RHOBTB1: variants seen among roughly 807,000 people sequenced by gnomAD.
RHOBTB1 encodes rho-related BTB domain-containing protein 1.
A neutral mutation model predicts 71.6 loss-of-function variants in RHOBTB1; 40 were observed. The ratio of observed to expected loss-of-function variants is 0.56; its 90% confidence interval spans 0.43 to 0.73. The LOEUF is 0.73. RHOBTB1 is among the 30% of genes least tolerant of loss of function. RHOBTB1 has a pLI of 0.00. For synonymous variants in RHOBTB1, 319 were observed against 334.9 expected (o/e 0.95, Z 0.52); for missense variants, 797 against 894.0 (o/e 0.89, Z 1.38).
At chr10:60,925,256 T>C (rs967583037) in intron 2 of RHOBTB1, among the ~76,000 whole-genome samples, 6 of 152,208 alleles carry the variant, frequency 3.9e-5, no homozygotes, top group African/African-American at 1.4e-4. Context: ...ATTAAATCTC[T>C]TTTCTTTATA....
At chr10:60,937,333 C>A (rs868558238) in intron 2 of RHOBTB1, among the ~76,000 whole-genome samples, 1 of 151,894 alleles carries the variant, frequency 6.6e-6, no homozygotes, top group Admixed American at 6.6e-5. Flanking sequence ...GTCAGCAACA[C>A]GTGACAAAAA....
At chr10:60,910,262 T>C (rs547681909) in intron 4 of RHOBTB1, among the ~76,000 whole-genome samples, 4 of 152,338 alleles carry the variant, frequency 2.6e-5, no homozygotes, top group African/African-American at 7.2e-5. Context: ...ACTTTGACCA[T>C]GTTCCTACCC....
intron 2 of RHOBTB1, among the ~76,000 whole-genome samples, chr10:60,978,133 A>G (rs1373981318): frequency 6.6e-6 from 1 of 152,126 alleles, no homozygotes. Context: ...CAGATTCAAC[A>G]CCCTCTGCAT....
rs184468981 is a variant in RHOBTB1, at chr10:60,968,996, C to A, written c.-62+16849G>T. Among the ~76,000 whole-genome samples, 30 of 152,128 alleles carry A rather than the reference C, an allele frequency of 2.0e-4. No homozygotes were observed. The East Asian group carries it at 4.3e-3, about 22-fold the overall frequency. ...GTTATTGTCAATATTTTTTAAAAATCAGGTATTTGAATAAATAGAAAGTAT... is the reference window on the plus strand; with the variant it reads ...GTTATTGTCAATATTTTTTAAAAATAAGGTATTTGAATAAATAGAAAGTAT... On this transcript the variant is annotated intron_variant, in intron 2 of 11. Coordinates refer to the RHOBTB1 transcript ENST00000357917.
chr10:60,963,017 T>C (rs1381073036), intron 2 of RHOBTB1, among the ~76,000 whole-genome samples: 1 of 152,150 alleles, frequency 6.6e-6, no homozygotes, highest in Admixed American at 6.6e-5. Flanking sequence ...TTGATTGTAA[T>C]ACAGACCACG....
Position 60,886,057 on chromosome 10 carries a change from C to A in RHOBTB1, c.1575+55G>T, listed in dbSNP as rs886910335. The A allele has an allele frequency of 3.1e-6, 4 of 1,297,202 alleles. No individual in the cohort carries two copies. In the African/African-American group the frequency reaches 4.4e-5, roughly 14 times the overall value. The allele number at this position is 1,297,202 out of a possible 1,614,324, so 80.4% of individuals were successfully genotyped here. On this transcript the variant is annotated intron_variant, in intron 7 of 10. Coordinates refer to ENST00000337910, the MANE Select transcript of RHOBTB1 (RefSeq NM_014836.5). ...GCTGTTTACCCACTTTATATAAATA[C>A]ACAGGCACACATACATTCATAAAGA...
the RHOBTB1 span, among the ~76,000 whole-genome samples, chr10:60,863,254 T>C: frequency 1.4e-4 from 21 of 152,380 alleles, no homozygotes; most frequent in African/African-American, 5.0e-4. Flanking sequence ...ATAAGCCTTA[T>C]GTACATTATT....
At chr10:60,914,037 A>G (rs1289192586) in intron 2 of RHOBTB1, among the ~76,000 whole-genome samples, 2 of 152,196 alleles carry the variant, frequency 1.3e-5, no homozygotes, top group Non-Finnish European at 2.9e-5. Flanking sequence ...GAAGGCCAGA[A>G]TTAGATGCAA....
the RHOBTB1 span, among the ~76,000 whole-genome samples, chr10:60,864,117 G>A: frequency 1.3e-5 from 2 of 152,140 alleles, no homozygotes; most frequent in Non-Finnish European, 2.9e-5. Flanking sequence ...GGGGCTTCCT[G>A]GCTTGGCTTC....
chr10:60,981,971 A>G (rs990837252), intron 2 of RHOBTB1, among the ~76,000 whole-genome samples: 1 of 152,114 alleles, frequency 6.6e-6, no homozygotes, highest in African/African-American at 2.4e-5. Context: ...GGTTTGCACC[A>G]TGTTAGCCAG....
At chr10:60,953,204 G>A (rs555634190) in intron 2 of RHOBTB1, among the ~76,000 whole-genome samples, 22 of 152,186 alleles carry the variant, frequency 1.4e-4, no homozygotes, top group African/African-American at 3.4e-4. Flanking sequence ...TGAGTGTATC[G>A]TTTGTTCTCA....
chr10:60,883,180 T>A (rs7078938), intron 7 of RHOBTB1, among the ~76,000 whole-genome samples: 37,448 of 152,054 alleles, frequency 0.25, 4,889 homozygotes, highest in East Asian at 0.49. Context: ...CTTCAGTGGC[T>A]TGGTTCCGTG....
the RHOBTB1 span, among the ~76,000 whole-genome samples, chr10:60,863,357 T>C: frequency 6.6e-6 from 1 of 152,240 alleles, no homozygotes; most frequent in African/African-American, 2.4e-5. Flanking sequence ...TTGTTTTTTT[T>C]TGTTTTTACA....
At chr10:60,865,634 G>A (rs1430747937), downstream of RHOBTB1, among the ~76,000 whole-genome samples, 1 of 152,200 alleles carries the variant, frequency 6.6e-6, no homozygotes, top group Non-Finnish European at 1.5e-5. Context: ...CAGATGGCAG[G>A]AAGCTAAACC....
chr10:60,865,680 C>G (rs1389709683), downstream of RHOBTB1, among the ~76,000 whole-genome samples: 1 of 152,228 alleles, frequency 6.6e-6, no homozygotes, highest in East Asian at 1.9e-4. Flanking sequence ...GAACCAGTCT[C>G]CAGGCTGGCC....
intron 2 of RHOBTB1, among the ~76,000 whole-genome samples, chr10:60,929,010 G>A (rs2084065759): frequency 6.6e-6 from 1 of 152,234 alleles, no homozygotes; most frequent in Admixed American, 6.5e-5. Flanking sequence ...TCTTCACATG[G>A]CAGCAGGAGA....
At position 60,892,832 on chromosome 10, in the gene RHOBTB1, G is replaced by T. The variant is rs748939630; in HGVS notation, c.460C>A (p.Arg154=). ...TACCTTGCTAACGGGCGCCTGGCTC[G>T]ATTAACAGCTTCCAGGTCGGCATAG... ...LRYADLEAVN[R]ARRPLARPIK... Residue 154 remains arginine, a synonymous_variant, in exon 5 of 11, where the codon CGA becomes AGA. Transcript: ENST00000337910. 15 of 1,613,236 alleles carry T rather than the reference G, an allele frequency of 9.3e-6. No homozygotes were observed. The highest frequency in any genetic ancestry group is 1.1e-5 in the Non-Finnish European group (13 of 1,179,754).
At chr10:60,877,551 G>C (rs1377174907) in intron 8 of RHOBTB1, among the ~76,000 whole-genome samples, 2 of 152,212 alleles carry the variant, frequency 1.3e-5, no homozygotes, top group African/African-American at 2.4e-5. Flanking sequence ...CTTAAAGACT[G>C]TGTCTGTGCA....
intron 1 of RHOBTB1, among the ~76,000 whole-genome samples, chr10:60,990,277 C>T (rs1490125384): frequency 3.3e-5 from 5 of 152,092 alleles, no homozygotes; most frequent in Admixed American, 3.3e-4. Flanking sequence ...GCCACCGTGC[C>T]CGGCCAACCT....
Sources: allele counts gnomAD v4.1 joint callset (sites outside exome capture counted in the v4.1 genomes callset), GRCh38; gene constraint gnomAD v4.1.1; transcripts MANE v1.5; gene names NCBI Gene and HGNC (gene_info 2026-07-23, HGNC 2026-07-21).